Variants in SMARCA2 observed in about 807,000 individuals in gnomAD.
SMARCA2 encodes SWI/SNF-related matrix-associated actin-dependent regulator of chromatin subfamily A member 2.
SMARCA2 carries 61 observed loss-of-function variants against 199.8 expected under a neutral mutation model. The ratio of observed to expected loss-of-function variants is 0.31; its 90% CI spans 0.25 to 0.38. The LOEUF (loss-of-function observed/expected upper bound fraction) is 0.38, where lower values mean the gene tolerates loss of function less well. Among genes scored for constraint, SMARCA2 ranks in the 10% least tolerant of loss-of-function variants. The probability of loss-of-function intolerance (pLI) is 1.00; values close to 1 mark genes in which losing one functional copy is unlikely to be tolerated. For missense variants in SMARCA2, 1,344 were observed against 2,012.2 expected (o/e 0.67, Z 6.35); for synonymous variants, 935 against 732.0 (o/e 1.28, Z -4.48).
At chr9:2,131,138 G>T (rs6475523) in intron 27 of SMARCA2, among the ~76,000 whole-genome samples, 12,169 of 152,192 alleles carry the variant, frequency 0.08, 1,624 homozygotes, top group African/African-American at 0.28. Context: ...CCACAGCACT[G>T]GAAGATAATT....
intron 19 of SMARCA2, among the ~76,000 whole-genome samples, chr9:2,093,200 G>A (rs925444819): frequency 6.6e-6 from 1 of 152,208 alleles, no homozygotes; most frequent in East Asian, 1.9e-4. Flanking sequence ...CAATCAGAAT[G>A]AATGATCCAG....
At chr9:2,083,827 C>A (rs77021887) in intron 16 of SMARCA2, among the ~76,000 whole-genome samples, 1 of 152,176 alleles carries the variant, frequency 6.6e-6, no homozygotes, top group South Asian at 2.1e-4. Flanking sequence ...TTCTCTACTA[C>A]CACAAATTCA....
chr9:2,077,874 A>C, intron 14 of SMARCA2, 98 bp downstream of exon 14: 1 of 1,127,244 alleles, frequency 8.9e-7, no homozygotes, highest in Non-Finnish European at 1.3e-6. Flanking sequence ...GCTTTTGATG[A>C]TATTTTAGGC....
intron 23 of SMARCA2, among the ~76,000 whole-genome samples, chr9:2,109,071 G>A (rs186307738): frequency 6.6e-5 from 10 of 152,150 alleles, no homozygotes; most frequent in Non-Finnish European, 1.2e-4. Context: ...AAAACAGATC[G>A]TCCCCATGTT....
At chr9:2,167,392 A>G (rs1013726896) in intron 28 of SMARCA2, among the ~76,000 whole-genome samples, 3 of 152,226 alleles carry the variant, frequency 2.0e-5, no homozygotes, top group Non-Finnish European at 2.9e-5. Context: ...CTCGAAGACA[A>G]TTCTTTCAGA....
At chr9:2,099,537 G>C (rs1389762062) in intron 21 of SMARCA2, among the ~76,000 whole-genome samples, 1 of 152,150 alleles carries the variant, frequency 6.6e-6, no homozygotes, top group Non-Finnish European at 1.5e-5. Flanking sequence ...GGGGAATCAT[G>C]AAGGAAGCGA....
At chr9:2,018,403 A>C (rs181168313) in intron 1 of SMARCA2, among the ~76,000 whole-genome samples, 173 of 152,258 alleles carry the variant, frequency 1.1e-3, no homozygotes, top group African/African-American at 3.9e-3. Context: ...GCTTTGGAAA[A>C]AGCAAAGCGA....
intron 29 of SMARCA2, among the ~76,000 whole-genome samples, chr9:2,178,030 A>AAG (rs397893549): frequency 6.6e-6 from 1 of 151,988 alleles, no homozygotes; most frequent in Non-Finnish European, 1.5e-5. Context: ...AAAAAAAAAA[A>AAG]CGGTTCCCAG....
At chr9:2,082,556 A>C (rs969186237) in intron 15 of SMARCA2, among the ~76,000 whole-genome samples, 2 of 152,136 alleles carry the variant, frequency 1.3e-5, no homozygotes, top group Non-Finnish European at 2.9e-5. Context: ...CCAGTGCCTC[A>C]CCTGCTAGGT....
rs1321201392 is a variant in SMARCA2, at chr9:2,170,679, T to C, written c.4253+207T>C. On this transcript the variant is annotated intron_variant, in intron 29 of 33. Transcript: ENST00000349721. The surrounding 1 kb of genome is among the most constrained non-coding windows in gnomAD (Gnocchi z 4.7). ...TGTTGGTGCTGTATTTTAATCTGGCTGTGCCAATTCTATACATGCACTCCT... is the reference window on the plus strand; with the variant it reads ...TGTTGGTGCTGTATTTTAATCTGGCCGTGCCAATTCTATACATGCACTCCT... Among the ~76,000 whole-genome samples the C allele has an allele frequency of 9.2e-5, 14 of 152,230 alleles. 1 individual carries two copies. The highest frequency in any genetic ancestry group is 9.2e-4 in the Admixed American group (14 of 15,286).
chr9:2,061,209 ATGT>A (rs1034161257), intron 9 of SMARCA2, among the ~76,000 whole-genome samples: 11 of 152,230 alleles, frequency 7.2e-5, no homozygotes, highest in African/African-American at 1.7e-4. Flanking sequence ...AACTAAAACA[ATGT>A]TGTTCATAAA....
intron 1 of SMARCA2, among the ~76,000 whole-genome samples, chr9:2,019,340 G>C (rs1434918103): frequency 6.6e-6 from 1 of 152,134 alleles, no homozygotes; most frequent in African/African-American, 2.4e-5. Context: ...ATCAGGACTA[G>C]GTGCACTGTG....
chr9:2,063,215 C>G (rs1023502844), intron 9 of SMARCA2, among the ~76,000 whole-genome samples: 2 of 152,190 alleles, frequency 1.3e-5, no homozygotes, highest in South Asian at 2.1e-4. Context: ...GAAACTGAGG[C>G]CCTTAGCCCT....
intron 20 of SMARCA2, chr9:2,097,083 G>C: frequency 2.0e-6 from 1 of 496,352 alleles, no homozygotes; most frequent in Non-Finnish European, 3.6e-6. Flanking sequence ...CTGGGCATCT[G>C]TTCTGTGCTT....
chr9:2,071,461 C>T lies in SMARCA2; in HGVS notation c.1746+990C>T, dbSNP rs564033032. On this transcript the variant is annotated intron_variant, in intron 10 of 33. Transcript: ENST00000349721. ...AAAGCCCAGCCTTACCTAAGAATGC[C>T]TCCCATTGGTCTATAATTAACAAGC... 3.2e-4 allele frequency among the ~76,000 whole-genome samples: 49 copies of T among 152,324 alleles called. 1 individual carries two copies. The Middle Eastern group carries it at 0.024, about 74-fold the overall frequency.
At chr9:2,165,859 T>A (rs1349571314) in intron 28 of SMARCA2, among the ~76,000 whole-genome samples, 1 of 152,156 alleles carries the variant, frequency 6.6e-6, no homozygotes, top group Non-Finnish European at 1.5e-5. Context: ...ATTATTAACG[T>A]TGGAAGGGAT....
rs1819524522 is a variant in SMARCA2, at chr9:2,039,847, C to CACAGACGCAGCAACA, written c.742_756dup (p.Thr248_Gln252dup). 8.1e-6 allele frequency: 13 copies of CACAGACGCAGCAACA among 1,613,080 alleles called. No homozygotes were observed. In the South Asian group the frequency reaches 1.4e-4, roughly 18 times the overall value. ...CAGCCGCAGCAGCAGCCGCCGCAACCACAGACGCAGCAACAACAGCAGCCG... is the reference window on the plus strand; with the variant it reads ...CAGCCGCAGCAGCAGCCGCCGCAACCACAGACGCAGCAACAACAGACGCAGCAACAACAGCAGCCG... On this transcript the variant is annotated inframe_insertion, in exon 4 of 34. Coordinates refer to ENST00000349721, the MANE Select transcript of SMARCA2 (RefSeq NM_003070.5). This position sits in a 1 kb window ranked among gnomAD's most constrained non-coding sequence, Gnocchi z 4.8.
chr9:2,056,872 C>T lies in SMARCA2; in HGVS notation c.1347+27C>T, dbSNP rs748745946. On this transcript the variant is annotated intron_variant, in intron 7 of 33. Coordinates refer to ENST00000349721, the MANE Select transcript of SMARCA2 (RefSeq NM_003070.5). This position sits in a 1 kb window ranked among gnomAD's most constrained non-coding sequence, Gnocchi z 4.0. ...TTCTTAGACCCTGGGCTTTGCTCAC[C>T]CTCACTTTGGCAGAGCTGTCCAATG... The T allele has an allele frequency of 6.2e-7, 1 of 1,603,544 alleles. No individual in the cohort carries two copies. The highest frequency in any genetic ancestry group is 8.5e-7 in the Non-Finnish European group (1 of 1,174,438).
chr9:2,071,655 T>C (rs1483746920), intron 10 of SMARCA2, among the ~76,000 whole-genome samples: 1 of 152,226 alleles, frequency 6.6e-6, no homozygotes, highest in Non-Finnish European at 1.5e-5. Context: ...CTTGCTCTAT[T>C]TTGAAATAAT....
Sources: allele counts gnomAD v4.1 joint callset (sites outside exome capture counted in the v4.1 genomes callset), GRCh38; gene constraint gnomAD v4.1.1; non-coding constraint Gnocchi (gnomAD v3.1); transcripts MANE v1.5; gene names NCBI Gene and HGNC (gene_info 2026-07-23, HGNC 2026-07-21).